The following ELAVL4 variants were observed in gnomAD, a reference collection of about 807,000 sequenced individuals.
ELAVL4 encodes the protein ELAV-like protein 4.
ELAVL4 carries 1 observed loss-of-function variant against 35.6 expected under a neutral mutation model. That is an observed-to-expected ratio of 0.03 (90% CI 0.01 to 0.13). The LOEUF is 0.13. Among genes scored for constraint, ELAVL4 ranks in the 10% least tolerant of loss-of-function variants. The probability of loss-of-function intolerance (pLI) is 1.00; values close to 1 mark genes in which losing one functional copy is unlikely to be tolerated. For synonymous variants in ELAVL4, 156 were observed against 171.0 expected (o/e 0.91, Z 0.69); for missense variants, 267 against 464.9 (o/e 0.57, Z 3.91).
chr1:50,077,050 A>T (rs879498775), intron 1 of ELAVL4, among the ~76,000 whole-genome samples: 2 of 151,990 alleles, frequency 1.3e-5, no homozygotes, highest in African/African-American at 2.4e-5. Context: ...TCTCTCTCAT[A>T]CATATATGTT....
intron 3 of ELAVL4, among the ~76,000 whole-genome samples, chr1:50,183,639 G>A (rs998395395): frequency 6.6e-5 from 10 of 152,110 alleles, no homozygotes; most frequent in Non-Finnish European, 1.2e-4. Context: ...CCACACTTGA[G>A]CTTTGCAGGT....
At chr1:50,054,342 G>C (rs1203585229) in intron 1 of ELAVL4, among the ~76,000 whole-genome samples, 1 of 152,174 alleles carries the variant, frequency 6.6e-6, no homozygotes, top group Non-Finnish European at 1.5e-5. Flanking sequence ...GGTAGATGCT[G>C]ATGTGTAGGT....
intron 1 of ELAVL4, among the ~76,000 whole-genome samples, chr1:50,123,066 T>A (rs1401386691): frequency 6.6e-6 from 1 of 152,064 alleles, no homozygotes; most frequent in Non-Finnish European, 1.5e-5. Context: ...CCTGCACAGG[T>A]CACTATTGAT....
Position 50,203,196 on chromosome 1 carries a change from T to C in ELAVL4, c.*2018T>C, listed in dbSNP as rs943917918. ...TTTAGTCTTAATGGTAATAAAACGT[T>C]ATGGTTATTTATAACTTGTGCTTAT... On this transcript the variant is annotated 3_prime_UTR_variant, in exon 7 of 7. Transcript: ENST00000371824. 2 of 152,156 alleles carry C rather than the reference T, an allele frequency of 1.3e-5. No homozygotes were observed. Among genetic ancestry groups the C allele is most frequent in the Non-Finnish European group, 2.9e-5 (2 of 68,022 alleles). 9.4% of individuals were successfully genotyped at this position (152,156 alleles called of 1,614,324 possible). A position where few individuals can be genotyped will look rare whatever the true frequency, so the allele number is the denominator to read the frequency against.
chr1:50,053,052 T>C (rs983486296), intron 1 of ELAVL4, among the ~76,000 whole-genome samples: 1 of 152,210 alleles, frequency 6.6e-6, no homozygotes, highest in Non-Finnish European at 1.5e-5. Context: ...CACAGTATGT[T>C]AATTGCAAAC....
intron 1 of ELAVL4, among the ~76,000 whole-genome samples, chr1:50,119,094 A>AAGAG (rs372191131): frequency 1.9e-5 from 2 of 105,514 alleles, no homozygotes; most frequent in Admixed American, 9.9e-5. Context: ...GAAAGAAAGA[A>AAGAG]AAAGAAAAAG....
rs1470502646 is a variant in ELAVL4 at position 50,178,641 on chromosome 1, T to C, written c.354+1449T>C. On this transcript the variant is annotated intron_variant, in intron 3 of 6. Coordinates refer to ENST00000371824, the MANE Select transcript of ELAVL4 (RefSeq NM_001144774.3). ...TCTCTAATGAGGAAATAATCAAGAGTTGTTTAATTATGGGGTAGTCCTCTG... is the reference window on the plus strand; with the variant it reads ...TCTCTAATGAGGAAATAATCAAGAGCTGTTTAATTATGGGGTAGTCCTCTG... Among the ~76,000 whole-genome samples the C allele has an allele frequency of 2.6e-5, 4 of 151,974 alleles. No individual in the cohort carries two copies. In the East Asian group the frequency reaches 5.8e-4, roughly 22 times the overall value.
At position 50,056,750 on chromosome 1, in the gene ELAVL4, G is replaced by T. The variant is rs925672725; in HGVS notation, c.18+8568G>T. On this transcript the variant is annotated intron_variant, in intron 1 of 6. Coordinates refer to the ELAVL4 transcript ENST00000448907. ...AGATCGAGACCATCCTGGCTAACAC[G>T]GTGAAACTCCATCTCTACTAAATAT... Among the ~76,000 whole-genome samples the T allele has an allele frequency of 3.9e-5, 6 of 152,206 alleles. No homozygotes were observed. The East Asian group carries it at 1.2e-3, about 29-fold the overall frequency.
At chr1:50,148,693 C>G (rs1472963560) in intron 2 of ELAVL4, among the ~76,000 whole-genome samples, 1 of 152,214 alleles carries the variant, frequency 6.6e-6, no homozygotes, top group Non-Finnish European at 1.5e-5. Flanking sequence ...CATCTACCTG[C>G]AGCCTCTGCT....
upstream of ELAVL4, chr1:50,103,807 G>T: frequency 9.0e-7 from 1 of 1,111,960 alleles, no homozygotes; most frequent in Non-Finnish European, 1.3e-6. Flanking sequence ...ACCCCATTTT[G>T]CTAATTCAAT....
rs1359531681 is a variant in ELAVL4, at chr1:50,048,215, C to G, written c.18+33C>G. 4 of 1,501,226 alleles carry G rather than the reference C, an allele frequency of 2.7e-6. No individual in the cohort carries two copies. In the Admixed American group the frequency reaches 8.5e-5, roughly 32 times the overall value. 93.0% of individuals were successfully genotyped at this position (1,501,226 alleles called of 1,614,324 possible). ...CGCCTCGGCGCAGGCCCCGCACCCC[C>G]GACTCTGCCCGCCCTCTGTTACGGA... On this transcript the variant is annotated intron_variant, in intron 1 of 6. Transcript: ENST00000448907.
Position 50,109,129 on chromosome 1 carries a change from A to G in ELAVL4, c.-61A>G, listed in dbSNP as rs2148527862. 2 of 1,585,632 alleles carry G rather than the reference A, an allele frequency of 1.3e-6. No homozygotes were observed. The highest frequency in any genetic ancestry group is 4.5e-5 in the East Asian group (2 of 44,024). Reference sequence around the variant, plus strand: ...AGTCATTTTAAATATATATTCTGAAATCTTTGCAAATTTTAACAGAAGAGT... The same window carrying G: ...AGTCATTTTAAATATATATTCTGAAGTCTTTGCAAATTTTAACAGAAGAGT... On this transcript the variant is annotated 5_prime_UTR_variant, in exon 1 of 7. Coordinates refer to ENST00000371824, the MANE Select transcript of ELAVL4 (RefSeq NM_001144774.3).
intron 1 of ELAVL4, among the ~76,000 whole-genome samples, chr1:50,081,839 C>A (rs566705417): frequency 1.3e-5 from 2 of 152,232 alleles, no homozygotes; most frequent in South Asian, 4.2e-4. Flanking sequence ...GTACCCCCAC[C>A]CCCTGACAGG....
intron 2 of ELAVL4, among the ~76,000 whole-genome samples, chr1:50,171,479 T>C (rs1475083253): frequency 6.6e-6 from 1 of 152,222 alleles, no homozygotes; most frequent in Non-Finnish European, 1.5e-5. Flanking sequence ...GTAGGCCTGA[T>C]GATACCCATT....
At chr1:50,174,821 T>A (rs1679702275) in intron 2 of ELAVL4, 1 of 152,188 alleles carries the variant, frequency 6.6e-6, no homozygotes, top group Non-Finnish European at 1.5e-5. Context: ...ATGAGTAATT[T>A]TAGAAAGATG....
chr1:50,087,942 G>A (rs1665323733), intron 1 of ELAVL4, among the ~76,000 whole-genome samples: 1 of 152,168 alleles, frequency 6.6e-6, no homozygotes, highest in South Asian at 2.1e-4. Flanking sequence ...AGCCCAAGTT[G>A]ACTAATATAA....
At chr1:50,159,721 C>A (rs1278759002) in intron 2 of ELAVL4, among the ~76,000 whole-genome samples, 2 of 152,150 alleles carry the variant, frequency 1.3e-5, no homozygotes, top group African/African-American at 4.8e-5. Flanking sequence ...GAACCCTTTT[C>A]CCTCCAGCAT....
At chr1:50,053,304 C>G (rs1663487974) in intron 1 of ELAVL4, among the ~76,000 whole-genome samples, 1 of 152,082 alleles carries the variant, frequency 6.6e-6, no homozygotes, top group African/African-American at 2.4e-5. Flanking sequence ...TGTCTCTGAG[C>G]CTCCTACAAC....
intron 1 of ELAVL4, among the ~76,000 whole-genome samples, chr1:50,120,753 G>C (rs1052195909): frequency 6.6e-6 from 1 of 152,018 alleles, no homozygotes; most frequent in African/African-American, 2.4e-5. Context: ...GGTTATAGTG[G>C]CAGAAAGCAG....
Sources: gnomAD v4.1 joint callset for allele counts (sites outside exome capture counted in the v4.1 genomes callset) on GRCh38, gnomAD v4.1.1 for gene constraint, MANE v1.5 for transcripts, NCBI Gene and HGNC (gene_info 2026-07-23, HGNC 2026-07-21) for gene names.